The following CUX1 variants were observed in gnomAD, a reference collection of about 807,000 sequenced individuals.
The protein encoded by CUX1 is protein CASP.
A neutral mutation model predicts 158.8 loss-of-function variants in CUX1; 31 were observed. The ratio of observed to expected loss-of-function variants is 0.20; its 90% CI spans 0.15 to 0.26. The LOEUF is 0.26. Among genes scored for constraint, CUX1 ranks in the 10% least tolerant of loss-of-function variants. The pLI is 1.00. For synonymous variants in CUX1, 879 were observed against 862.1 expected (o/e 1.02, Z -0.34); for missense variants, 1,589 against 2,014.6 (o/e 0.79, Z 4.04).
At chr7:102,088,963 C>A (rs1828244582) in intron 4 of CUX1, among the ~76,000 whole-genome samples, 1 of 152,100 alleles carries the variant, frequency 6.6e-6, no homozygotes, top group Admixed American at 6.6e-5. Flanking sequence ...TTCCCTCTTT[C>A]TGGGAAATGT....
At chr7:101,948,742 C>A (rs150569319) in intron 2 of CUX1, among the ~76,000 whole-genome samples, 1 of 152,152 alleles carries the variant, frequency 6.6e-6, no homozygotes, top group African/African-American at 2.4e-5. Flanking sequence ...ACAGGAGCAC[C>A]CCATTGAGGT....
Position 102,034,864 on chromosome 7 carries a change from G to A in CUX1, c.189+6719G>A, listed in dbSNP as rs1585357443. ...CAGGAGAATCACTTGAACCCAGGAG[G>A]CAGAGGTTACAGTGAGCCGAGATCG... is the stretch of plus-strand genomic sequence containing the variant. On this transcript the variant is annotated intron_variant, in intron 3 of 23. Coordinates refer to ENST00000292535, the MANE Select transcript of CUX1 (RefSeq NM_181552.4). 2.0e-5 allele frequency among the ~76,000 whole-genome samples: 3 copies of A among 151,782 alleles called. No homozygotes were observed. In the Middle Eastern group the frequency reaches 0.01, roughly 520 times the overall value.
chr7:102,224,379 G>A (rs1798144677), intron 20 of CUX1, among the ~76,000 whole-genome samples: 1 of 152,064 alleles, frequency 6.6e-6, no homozygotes, highest in South Asian at 2.1e-4. Context: ...GCTGGTTTTT[G>A]TATTTTTAGT....
intron 8 of CUX1, among the ~76,000 whole-genome samples, chr7:102,133,568 C>T (rs1163129125): frequency 2.0e-5 from 3 of 150,708 alleles, no homozygotes; most frequent in Non-Finnish European, 4.4e-5. Context: ...CTCCGCCTCC[C>T]GGGTTCAAGC....
At chr7:101,947,916 A>T (rs1212777219) in intron 2 of CUX1, among the ~76,000 whole-genome samples, 1 of 152,194 alleles carries the variant, frequency 6.6e-6, no homozygotes, top group Non-Finnish European at 1.5e-5. Flanking sequence ...GTATTTCCTG[A>T]GGACTATTGC....
intron 2 of CUX1, among the ~76,000 whole-genome samples, chr7:101,959,895 C>T (rs547121373): frequency 2.2e-4 from 34 of 152,048 alleles, no homozygotes; most frequent in Non-Finnish European, 3.5e-4. Flanking sequence ...GGTAATAACT[C>T]GATTAATTTT....
chr7:102,156,085 G>A (rs1789717012), intron 8 of CUX1, among the ~76,000 whole-genome samples: 1 of 152,186 alleles, frequency 6.6e-6, no homozygotes, highest in African/African-American at 2.4e-5. Flanking sequence ...TATTCAGGCT[G>A]CTGGGAGTTG....
intron 20 of CUX1, among the ~76,000 whole-genome samples, chr7:102,223,132 G>A (rs1798004020): frequency 1.3e-5 from 2 of 151,738 alleles, no homozygotes; most frequent in South Asian, 4.2e-4. Flanking sequence ...TGTGTAAAAT[G>A]TGGGAAGTGG....
chr7:102,138,405 A>G (rs1391521760), intron 8 of CUX1, among the ~76,000 whole-genome samples: 2 of 151,976 alleles, frequency 1.3e-5, no homozygotes, highest in Non-Finnish European at 2.9e-5. Flanking sequence ...TTTCTGATCT[A>G]TTTAAGGAAG....
At chr7:102,140,600 C>A (rs1338194041) in intron 8 of CUX1, among the ~76,000 whole-genome samples, 1 of 151,554 alleles carries the variant, frequency 6.6e-6, no homozygotes, top group Non-Finnish European at 1.5e-5. Flanking sequence ...TGACACACAC[C>A]TGTAATCCCA....
intron 8 of CUX1, among the ~76,000 whole-genome samples, chr7:102,124,225 C>A (rs1259562500): frequency 6.6e-6 from 1 of 152,192 alleles, no homozygotes; most frequent in Non-Finnish European, 1.5e-5. Flanking sequence ...TCATGACACA[C>A]CCCTTCCTGC....
intron 3 of CUX1, among the ~76,000 whole-genome samples, chr7:102,045,353 G>A (rs1381513419): frequency 5.3e-5 from 8 of 152,334 alleles, no homozygotes; most frequent in African/African-American, 1.7e-4. Context: ...GGAGCCGTGC[G>A]CCTGTGGAAA....
chr7:102,121,079 A>C (rs1554493304), intron 8 of CUX1, among the ~76,000 whole-genome samples: 1 of 152,154 alleles, frequency 6.6e-6, no homozygotes, highest in African/African-American at 2.4e-5. Context: ...TAATAATAAT[A>C]ATTTTTAAAA....
intron 7 of CUX1, 145 bp from the exon 8 acceptor site, chr7:102,115,062 C>T (rs1224544159): frequency 2.9e-6 from 2 of 682,812 alleles, no homozygotes; most frequent in Non-Finnish European, 4.9e-6. Flanking sequence ...TCATCTTGGC[C>T]TCTTTTGTGT....
intron 8 of CUX1, among the ~76,000 whole-genome samples, chr7:102,120,934 G>T (rs1258466202): frequency 6.6e-6 from 1 of 152,144 alleles, no homozygotes; most frequent in Non-Finnish European, 1.5e-5. Flanking sequence ...GCATGGTGTT[G>T]TGCCTTTAGT....
In CUX1 at chr7:102,257,511, G is replaced by C. The variant is rs1201612519; in HGVS notation, c.*8469G>C. 1.8e-5 allele frequency: 18 copies of C among 985,168 alleles called. No individual in the cohort carries two copies. In the Admixed American group the frequency reaches 1.1e-3, roughly 61 times the overall value. 61.0% of individuals were successfully genotyped at this position (985,168 alleles called of 1,614,324 possible). ...AATAGCTTGTTATAAAATAAAAGTG[G>C]GGGTAAAAAGAAGGTGGTTTTCCCC... On this transcript the variant is annotated 3_prime_UTR_variant, in exon 24 of 24. Transcript: ENST00000292535.
intron 8 of CUX1, among the ~76,000 whole-genome samples, chr7:102,122,773 T>C (rs1303942127): frequency 6.6e-6 from 1 of 152,132 alleles, no homozygotes; most frequent in Non-Finnish European, 1.5e-5. Flanking sequence ...TTGCCAAACT[T>C]TACTCCTCTC....
chr7:101,981,218 G>A lies in CUX1; in HGVS notation c.142-46880G>A, dbSNP rs113250742. Among the ~76,000 whole-genome samples, 12 of 151,486 alleles carry A rather than the reference G, an allele frequency of 7.9e-5. 1 individual carries two copies. The highest frequency in any genetic ancestry group is 2.4e-4 in the African/African-American group (10 of 41,248). On this transcript the variant is annotated intron_variant, in intron 2 of 23. Transcript: ENST00000292535. ...CCCTCCTCCCCCAACCTATACACAC[G>A]CCTCACTTTCCCTTGCAGGACGTTT...
intron 13 of CUX1, among the ~76,000 whole-genome samples, chr7:102,195,003 G>A (rs781821663): frequency 2.6e-5 from 4 of 151,410 alleles, no homozygotes; most frequent in Non-Finnish European, 5.9e-5. Context: ...CAGCCTGGGC[G>A]ACAGAGTGAG....
Sources: gnomAD v4.1 joint callset for allele counts (sites outside exome capture counted in the v4.1 genomes callset) on GRCh38, gnomAD v4.1.1 for gene constraint, MANE v1.5 for transcripts, NCBI Gene and HGNC (gene_info 2026-07-23, HGNC 2026-07-21) for gene names.